The following CBL variants were observed in gnomAD, a reference collection of about 807,000 sequenced individuals.
The protein encoded by CBL is E3 ubiquitin-protein ligase CBL.
A neutral mutation model predicts 96.9 loss-of-function variants in CBL; 45 were observed. The observed-to-expected ratio is 0.46, with a 90% CI of 0.37 to 0.60. The LOEUF (loss-of-function observed/expected upper bound fraction) is 0.60. Among genes scored for constraint, CBL ranks in the 20% least tolerant of loss-of-function variants. The probability of loss-of-function intolerance (pLI) is 0.00; values close to 1 mark genes in which losing one functional copy is unlikely to be tolerated. For synonymous variants in CBL, 420 were observed against 426.8 expected (o/e 0.98, Z 0.20); for missense variants, 1,024 against 1,143.5 (o/e 0.90, Z 1.51).
chr11:119,213,741 C>G (rs1249165503), intron 1 of CBL, among the ~76,000 whole-genome samples: 2 of 152,154 alleles, frequency 1.3e-5, no homozygotes, highest in African/African-American at 2.4e-5. Context: ...GAGTCTTGCT[C>G]TGATACCCAG....
At chr11:119,296,293 A>G (rs1017259509) in intron 12 of CBL, among the ~76,000 whole-genome samples, 1 of 151,856 alleles carries the variant, frequency 6.6e-6, no homozygotes, top group Non-Finnish European at 1.5e-5. Flanking sequence ...GTGTTTTTGT[A>G]TTTCTTGGGA....
rs886047771 is a variant in CBL at position 119,296,933 on chromosome 11, A to C, written c.2052A>C (p.Pro684=). 8.7e-6 allele frequency: 14 copies of C among 1,602,032 alleles called. No individual in the cohort carries two copies. The highest frequency in any genetic ancestry group is 4.5e-5 in the East Asian group (2 of 44,832). ...YSLAARPLPV[P]KLPPGEQCEG... is the part of the protein sequence containing the mutation. Reference sequence around the variant, plus strand: ...CATCTTCCAGACCTCTTCCTGTGCCAAAACTGCCACCTGGGGAGCAATGTG... The same window carrying C: ...CATCTTCCAGACCTCTTCCTGTGCCCAAACTGCCACCTGGGGAGCAATGTG... The change falls in exon 13 of 16, where the codon CCA becomes CCC. Residue 684 remains proline (P), a synonymous_variant. Transcript: ENST00000264033.
chr11:119,212,138 C>T (rs1318807340), intron 1 of CBL, among the ~76,000 whole-genome samples: 5 of 151,668 alleles, frequency 3.3e-5, no homozygotes, highest in African/African-American at 7.3e-5. Context: ...AGGCTGGTCT[C>T]GAACTCCTGA....
chr11:119,270,432 A>ATG (rs1565869996), intron 2 of CBL, among the ~76,000 whole-genome samples: 3 of 52,286 alleles, frequency 5.7e-5, no homozygotes, highest in Non-Finnish European at 3.3e-5. Context: ...ATATATATAT[A>ATG]TATATTTTTT....
At position 119,216,411 on chromosome 11, in the gene CBL, C is replaced by T. The variant is rs184875292; in HGVS notation, c.195+9799C>T. On this transcript the variant is annotated intron_variant, in intron 1 of 15. Transcript: ENST00000264033. The stretch of plus-strand genomic sequence containing the variant: ...TTTTTGAGATGGAGTCTTGCTCTGT[C>T]ACCAGGCTGGAGTGCAGTGGTGCAA... Among the ~76,000 whole-genome samples the T allele has an allele frequency of 3.5e-3, 524 of 151,440 alleles. 2 individuals carry two copies. The highest frequency in any genetic ancestry group is 0.011 in the African/African-American group (459 of 41,178).
chr11:119,234,000 C>G (rs913289755), intron 2 of CBL, among the ~76,000 whole-genome samples: 15 of 151,932 alleles, frequency 9.9e-5, no homozygotes, highest in East Asian at 3.9e-4. Flanking sequence ...TTCTTTCTTT[C>G]TTTTGTTTTG....
chr11:119,267,047 T>G (rs182783974), intron 2 of CBL, among the ~76,000 whole-genome samples: 8 of 152,344 alleles, frequency 5.3e-5, no homozygotes, highest in Non-Finnish European at 7.4e-5. Flanking sequence ...TTAAGACAGA[T>G]TCTGCTGATT....
intron 12 of CBL, 24 bp downstream of exon 12, chr11:119,287,970 T>G (rs1251391165): frequency 6.7e-7 from 1 of 1,496,318 alleles, no homozygotes; most frequent in Admixed American, 1.7e-5. Flanking sequence ...AGCTATATTT[T>G]GTACAGTGGA....
intron 2 of CBL, among the ~76,000 whole-genome samples, chr11:119,248,997 A>G (rs1030640048): frequency 1.3e-5 from 2 of 152,148 alleles, no homozygotes; most frequent in African/African-American, 2.4e-5. Context: ...GGTGATAGGA[A>G]TAGAAAATGG....
intron 12 of CBL, among the ~76,000 whole-genome samples, chr11:119,296,613 A>G (rs1187314738): frequency 1.3e-5 from 2 of 152,310 alleles, no homozygotes; most frequent in Middle Eastern, 3.4e-3. Flanking sequence ...CTCTAACTCT[A>G]GGGCCTGGGA....
At chr11:119,216,573 T>C (rs1949362451) in intron 1 of CBL, among the ~76,000 whole-genome samples, 1 of 152,030 alleles carries the variant, frequency 6.6e-6, no homozygotes, top group Non-Finnish European at 1.5e-5. Context: ...GGTTTCACCA[T>C]GTTGGCCAGG....
Position 119,207,475 on chromosome 11 carries a change from C to T in CBL, c.195+863C>T, listed in dbSNP as rs993581612. On this transcript the variant is annotated intron_variant, in intron 1 of 15. Transcript: ENST00000264033. ...CCTTATTACAGGTCCTGACTTTAAA[C>T]TTGTTCGTTGAGCTTCTTTGATTAC... 2.4e-4 allele frequency among the ~76,000 whole-genome samples: 37 copies of T among 152,320 alleles called. No homozygotes were observed. The Middle Eastern group carries it at 0.01, about 42-fold the overall frequency.
chr11:119,283,441 AT>A (rs948839764), intron 9 of CBL, among the ~76,000 whole-genome samples: 26 of 146,428 alleles, frequency 1.8e-4, no homozygotes, highest in Admixed American at 1.3e-3. Flanking sequence ...GCAGAGTAGC[AT>A]TTTTTTTTTA....
intron 2 of CBL, 115 bp from the exon 3 acceptor site, chr11:119,271,620 C>A: frequency 3.3e-6 from 3 of 910,694 alleles, no homozygotes; most frequent in Non-Finnish European, 3.5e-6. Flanking sequence ...TGAAGAGGTT[C>A]TTTCTAAATG....
chr11:119,219,200 A>G (rs1289905309), intron 1 of CBL, among the ~76,000 whole-genome samples: 1 of 152,102 alleles, frequency 6.6e-6, no homozygotes, highest in African/African-American at 2.4e-5. Context: ...CAACATGGTG[A>G]TACCCTGTCT....
chr11:119,219,104 G>A (rs961930314), intron 1 of CBL, among the ~76,000 whole-genome samples: 1 of 152,116 alleles, frequency 6.6e-6, no homozygotes, highest in African/African-American at 2.4e-5. Flanking sequence ...AGGGCCGGGC[G>A]TGGTGGCTTA....
chr11:119,255,381 G>A (rs1452473867), intron 2 of CBL, among the ~76,000 whole-genome samples: 4 of 152,116 alleles, frequency 2.6e-5, no homozygotes, highest in African/African-American at 9.7e-5. Context: ...TTGGACTAAG[G>A]TAACAACTCG....
chr11:119,247,455 A>G (rs1949640555), intron 2 of CBL, among the ~76,000 whole-genome samples: 1 of 152,250 alleles, frequency 6.6e-6, no homozygotes, highest in Non-Finnish European at 1.5e-5. Flanking sequence ...TAAAGAATCC[A>G]TTAAGAAAAC....
At chr11:119,255,287 C>T (rs530463940) in intron 2 of CBL, among the ~76,000 whole-genome samples, 1 of 152,170 alleles carries the variant, frequency 6.6e-6, no homozygotes, top group East Asian at 1.9e-4. Flanking sequence ...GCCCCAGATC[C>T]TCATTAGCTC....
Sources: allele counts gnomAD v4.1 joint callset (sites outside exome capture counted in the v4.1 genomes callset), GRCh38; gene constraint gnomAD v4.1.1; transcripts MANE v1.5; gene names NCBI Gene and HGNC (gene_info 2026-07-23, HGNC 2026-07-21).